The following DLGAP2 variants were observed in gnomAD, a reference collection of about 807,000 sequenced individuals.
The protein encoded by DLGAP2 is disks large-associated protein 2.
Under a neutral mutation model 100.3 loss-of-function variants are expected in DLGAP2, and 26 were observed. That is an observed-to-expected ratio of 0.26 (90% CI 0.19 to 0.36). The LOEUF is 0.36. Ranked by LOEUF, DLGAP2 falls within the 10% of genes least tolerant of loss-of-function variation. The probability of loss-of-function intolerance (pLI) is 1.00; values close to 1 mark genes in which losing one functional copy is unlikely to be tolerated. For missense variants in DLGAP2, 1,858 were observed against 1,453.2 expected (o/e 1.28, Z -4.53); for synonymous variants, 886 against 630.1 (o/e 1.41, Z -6.08).
intron 3 of DLGAP2, among the ~76,000 whole-genome samples, chr8:1,429,917 C>A (rs541856907): frequency 0.011 from 1,617 of 147,260 alleles, 28 homozygotes; most frequent in African/African-American, 0.038. Flanking sequence ...TTACCTTCAT[C>A]ATACACGGCC....
chr8:1,517,233 TG>T (rs1234747217), intron 4 of DLGAP2, among the ~76,000 whole-genome samples: 1 of 152,046 alleles, frequency 6.6e-6, no homozygotes, highest in African/African-American at 2.4e-5. Flanking sequence ...CTGGCAGCTG[TG>T]GGGAGGAAGA....
At chr8:1,324,586 T>G (rs917580369) in intron 3 of DLGAP2, among the ~76,000 whole-genome samples, 2 of 152,084 alleles carry the variant, frequency 1.3e-5, no homozygotes, top group African/African-American at 4.8e-5. Context: ...CTCCATAGGG[T>G]TTTCTTAAGC....
intron 6 of DLGAP2, among the ~76,000 whole-genome samples, chr8:1,605,822 T>C (rs1796779147): frequency 6.6e-6 from 1 of 152,210 alleles, no homozygotes. Flanking sequence ...GTTTATCATA[T>C]AGTTGTAATA....
chr8:1,436,212 G>A (rs1797621641), intron 3 of DLGAP2, among the ~76,000 whole-genome samples: 1 of 152,212 alleles, frequency 6.6e-6, no homozygotes, highest in African/African-American at 2.4e-5. Flanking sequence ...CTCAAAAGCA[G>A]GGAAGCCGGC....
intron 2 of DLGAP2, among the ~76,000 whole-genome samples, chr8:1,093,445 A>T (rs1804254256): frequency 6.6e-6 from 1 of 151,870 alleles, no homozygotes; most frequent in Admixed American, 6.6e-5. Flanking sequence ...AGTCAGACAG[A>T]AACACTTTCA....
intron 3 of DLGAP2, among the ~76,000 whole-genome samples, chr8:1,496,298 G>A (rs112058228): frequency 1.5e-3 from 223 of 152,068 alleles, no homozygotes; most frequent in African/African-American, 5.1e-3. Flanking sequence ...AGCATCACAG[G>A]GCCTCGTGGG....
At chr8:1,362,888 T>G (rs1422267877) in intron 3 of DLGAP2, among the ~76,000 whole-genome samples, 1 of 152,192 alleles carries the variant, frequency 6.6e-6, no homozygotes, top group African/African-American at 2.4e-5. Context: ...GTCTTTTCCC[T>G]TCTCTTCTCG....
rs115877753 is a variant in DLGAP2 at position 1,501,283 on chromosome 8, G to C, written c.107-83G>C. The C allele has an allele frequency of 2.3e-5, 32 of 1,386,564 alleles. No individual in the cohort carries two copies. In the Middle Eastern group the frequency reaches 5.2e-4, roughly 23 times the overall value. The allele number at this position is 1,386,564 out of a possible 1,614,324, so 85.9% of individuals were successfully genotyped here. A position where few individuals can be genotyped will look rare whatever the true frequency, so the allele number is the denominator to read the frequency against. On this transcript the variant is annotated intron_variant, in intron 3 of 14. Coordinates refer to ENST00000637795, the MANE Select transcript of DLGAP2 (RefSeq NM_001346810.2). ...CTGTCATGTTTGAACTGTTGAGTGT[G>C]GAGGGTTTTGAAGATGTGCAGGGAA...
At chr8:793,856 A>G (rs923244527) in intron 1 of DLGAP2, among the ~76,000 whole-genome samples, 5 of 152,176 alleles carry the variant, frequency 3.3e-5, no homozygotes, top group African/African-American at 4.8e-5. Context: ...TCCTGTGGCC[A>G]TGCTGGTTTA....
At chr8:1,194,850 G>C (rs935829) in intron 2 of DLGAP2, among the ~76,000 whole-genome samples, 122,281 of 152,042 alleles carry the variant, frequency 0.8, 49,296 homozygotes, top group Middle Eastern at 0.84. Context: ...AGGGTTCTTC[G>C]CTCAGTCTCA....
intron 2 of DLGAP2, among the ~76,000 whole-genome samples, chr8:1,138,832 C>G (rs1164586117): frequency 2.6e-5 from 4 of 151,850 alleles, no homozygotes; most frequent in Non-Finnish European, 4.4e-5. Context: ...TTTACTAGTC[C>G]TGGCCTGTGC....
At chr8:959,307 G>A (rs577914223) in intron 2 of DLGAP2, among the ~76,000 whole-genome samples, 45 of 152,312 alleles carry the variant, frequency 3.0e-4, no homozygotes, top group Middle Eastern at 6.8e-3. Context: ...GTGCATTTGT[G>A]TGGCACACAT....
At chr8:871,553 A>C (rs542782507) in intron 1 of DLGAP2, among the ~76,000 whole-genome samples, 139 of 152,198 alleles carry the variant, frequency 9.1e-4, no homozygotes, top group Non-Finnish European at 1.8e-3. Flanking sequence ...CCTAAATCTT[A>C]AAATTTGAAA....
chr8:1,354,000 A>G (rs1163766342), intron 3 of DLGAP2, among the ~76,000 whole-genome samples: 1 of 152,164 alleles, frequency 6.6e-6, no homozygotes, highest in Non-Finnish European at 1.5e-5. Flanking sequence ...TGCTTCTTCT[A>G]TTTATGATGG....
At chr8:872,213 A>AT (rs1340696664) in intron 1 of DLGAP2, among the ~76,000 whole-genome samples, 3 of 151,982 alleles carry the variant, frequency 2.0e-5, no homozygotes, top group East Asian at 3.9e-4. Flanking sequence ...ATTAAATTAT[A>AT]TTTTTTTATT....
At chr8:1,251,098 C>G (rs79827590) in intron 2 of DLGAP2, among the ~76,000 whole-genome samples, 4 of 152,174 alleles carry the variant, frequency 2.6e-5, no homozygotes, top group African/African-American at 9.7e-5. Context: ...TTCACGAGAA[C>G]GTTACTTTGT....
chr8:1,088,094 G>C (rs1381976216), intron 2 of DLGAP2, among the ~76,000 whole-genome samples: 1 of 152,228 alleles, frequency 6.6e-6, no homozygotes, highest in African/African-American at 2.4e-5. Context: ...TGGCCCCACA[G>C]GGGATGTCTG....
intron 3 of DLGAP2, among the ~76,000 whole-genome samples, chr8:1,458,040 TTATATA>T (rs199917235): frequency 3.8e-5 from 5 of 132,618 alleles, no homozygotes; most frequent in Admixed American, 7.8e-5. Flanking sequence ...GTATATATAA[TTATATA>T]TATATATATG....
chr8:1,600,971 A>C (rs1186512582), intron 6 of DLGAP2, among the ~76,000 whole-genome samples: 1 of 152,162 alleles, frequency 6.6e-6, no homozygotes, highest in Non-Finnish European at 1.5e-5. Flanking sequence ...TGGAATTTTC[A>C]ACCTTGTTGT....
Sources: gnomAD v4.1 joint callset for allele counts (sites outside exome capture counted in the v4.1 genomes callset) on GRCh38, gnomAD v4.1.1 for gene constraint, MANE v1.5 for transcripts, NCBI Gene and HGNC (gene_info 2026-07-23, HGNC 2026-07-21) for gene names.